PRKG1: variants seen among roughly 807,000 people sequenced by gnomAD.
PRKG1 encodes protein kinase cGMP-dependent 1, also known as cGMP-dependent protein kinase 1.
PRKG1 carries 35 observed loss-of-function variants against 88.1 expected under a neutral mutation model. That is an observed-to-expected ratio of 0.40 (90% CI 0.30 to 0.53). The LOEUF (loss-of-function observed/expected upper bound fraction) is 0.53. Among genes scored for constraint, PRKG1 ranks in the 20% least tolerant of loss-of-function variants. PRKG1 has a pLI of 0.59. For missense variants in PRKG1, 540 were observed against 839.8 expected (o/e 0.64, Z 4.41); for synonymous variants, 303 against 292.5 (o/e 1.04, Z -0.37).
chr10:51,662,905 G>A (rs1045968552), intron 3 of PRKG1, among the ~76,000 whole-genome samples: 4 of 152,040 alleles, frequency 2.6e-5, no homozygotes, highest in African/African-American at 9.7e-5. Context: ...TGTATTGGGT[G>A]GAATGTTAGG....
chr10:51,635,232 G>A (rs1356006897), intron 3 of PRKG1, among the ~76,000 whole-genome samples: 1 of 147,412 alleles, frequency 6.8e-6, no homozygotes, highest in African/African-American at 2.5e-5. Flanking sequence ...AAAATTGATG[G>A]AATTAGGTTG....
chr10:51,645,760 G>T (rs1275934373), intron 3 of PRKG1, among the ~76,000 whole-genome samples: 1 of 152,052 alleles, frequency 6.6e-6, no homozygotes, highest in Non-Finnish European at 1.5e-5. Flanking sequence ...TGAAACTTCA[G>T]ATACATCAAC....
intron 2 of PRKG1, among the ~76,000 whole-genome samples, chr10:51,296,758 G>T (rs1840731073): frequency 1.3e-5 from 2 of 151,908 alleles, no homozygotes; most frequent in African/African-American, 4.8e-5. Context: ...GAGGTGTAAA[G>T]TCATGTTGCT....
intron 2 of PRKG1, among the ~76,000 whole-genome samples, chr10:51,392,913 C>T (rs1254186374): frequency 5.0e-5 from 3 of 59,778 alleles, no homozygotes; most frequent in Admixed American, 1.4e-4. Flanking sequence ...GGGGGCTGAC[C>T]ACCCCCACCT....
chr10:51,199,505 C>G (rs531265020), intron 2 of PRKG1, among the ~76,000 whole-genome samples: 56 of 152,278 alleles, frequency 3.7e-4, no homozygotes, highest in African/African-American at 1.2e-3. Context: ...GATTTCTTCT[C>G]TCTGCCTCTG....
chr10:52,166,839 GTATATA>G (rs375678645), intron 9 of PRKG1, among the ~76,000 whole-genome samples: 1 of 90,486 alleles, frequency 1.1e-5, no homozygotes, highest in African/African-American at 4.7e-5. Context: ...GTATATATAT[GTATATA>G]TATGTCTATA....
chr10:51,378,016 ACT>A (rs1462830548), intron 2 of PRKG1, among the ~76,000 whole-genome samples: 1 of 152,264 alleles, frequency 6.6e-6, no homozygotes, highest in Non-Finnish European at 1.5e-5. Flanking sequence ...ATTGCAGAGC[ACT>A]GAGTGGCACA....
chr10:51,351,241 T>C (rs1440700653), intron 2 of PRKG1, among the ~76,000 whole-genome samples: 2 of 152,200 alleles, frequency 1.3e-5, no homozygotes, highest in Non-Finnish European at 2.9e-5. Flanking sequence ...GTCTTTATAG[T>C]AGAATGATTT....
At chr10:52,085,831 C>A (rs1846898409) in intron 7 of PRKG1, among the ~76,000 whole-genome samples, 1 of 151,974 alleles carries the variant, frequency 6.6e-6, no homozygotes, top group Non-Finnish European at 1.5e-5. Flanking sequence ...TTCCCTGGTT[C>A]CTAACATAAA....
chr10:52,077,042 G>A (rs934586728), intron 7 of PRKG1, among the ~76,000 whole-genome samples: 1 of 151,566 alleles, frequency 6.6e-6, no homozygotes, highest in African/African-American at 2.4e-5. Flanking sequence ...ATCTGACCCA[G>A]CCATTCCATT....
At chr10:51,172,594 G>A (rs1164847959) in intron 2 of PRKG1, among the ~76,000 whole-genome samples, 1 of 151,370 alleles carries the variant, frequency 6.6e-6, no homozygotes, top group Non-Finnish European at 1.5e-5. Flanking sequence ...GTATACCTAT[G>A]TCTGTCTATG....
chr10:51,906,296 CTG>C (rs1842085192), intron 4 of PRKG1, among the ~76,000 whole-genome samples: 1 of 152,120 alleles, frequency 6.6e-6, no homozygotes, highest in Non-Finnish European at 1.5e-5. Flanking sequence ...GAGTCAAACT[CTG>C]TAAAATATTT....
At chr10:51,430,014 A>C (rs1326911607) in intron 2 of PRKG1, among the ~76,000 whole-genome samples, 1 of 152,078 alleles carries the variant, frequency 6.6e-6, no homozygotes, top group Non-Finnish European at 1.5e-5. Flanking sequence ...TACACATTCA[A>C]GTATCTTAAC....
At chr10:51,142,699 A>T (rs1417618763) in intron 1 of PRKG1, among the ~76,000 whole-genome samples, 1 of 152,102 alleles carries the variant, frequency 6.6e-6, no homozygotes, top group Non-Finnish European at 1.5e-5. Context: ...TTGTTTCCTT[A>T]CCTGTCAAAT....
In PRKG1 at chr10:52,188,331, CAT is replaced by C. The variant is rs200027442; in HGVS notation, c.1076+26381_1076+26382del. Among the ~76,000 whole-genome samples, 13 of 138,598 alleles carry C rather than the reference CAT, an allele frequency of 9.4e-5. No individual in the cohort carries two copies. In the East Asian group the frequency reaches 1.9e-3, roughly 20 times the overall value. 90.9% of individuals were successfully genotyped at this position (138,598 alleles called of 152,430 possible). On this transcript the variant is annotated intron_variant, in intron 9 of 17. Coordinates refer to ENST00000373980, the MANE Select transcript of PRKG1 (RefSeq NM_006258.4). ...ATATATACATATGTATATATATACA[CAT>C]ATATATATATATTTCTTTTTGTTTG...
At chr10:51,230,906 C>T (rs1213398126) in intron 2 of PRKG1, among the ~76,000 whole-genome samples, 1 of 151,974 alleles carries the variant, frequency 6.6e-6, no homozygotes, top group Non-Finnish European at 1.5e-5. Context: ...TGGTTGTAGG[C>T]ACTTTAAAGG....
At chr10:51,528,976 T>G (rs1017332270) in intron 3 of PRKG1, among the ~76,000 whole-genome samples, 25 of 152,248 alleles carry the variant, frequency 1.6e-4, no homozygotes, top group African/African-American at 6.0e-4. Context: ...GCACAGGAAT[T>G]AACATGCAAA....
intron 3 of PRKG1, among the ~76,000 whole-genome samples, chr10:51,529,013 T>C (rs1841950877): frequency 1.3e-5 from 2 of 152,092 alleles, no homozygotes; most frequent in Admixed American, 1.3e-4. Context: ...TCCTGAACTT[T>C]CAAATTCTAA....
intron 7 of PRKG1, among the ~76,000 whole-genome samples, chr10:52,104,794 C>G (rs943657716): frequency 6.6e-6 from 1 of 152,084 alleles, no homozygotes; most frequent in African/African-American, 2.4e-5. Flanking sequence ...ATCAGTGGCA[C>G]GTAACCTGAT....
Sources: gnomAD v4.1 joint callset for allele counts (sites outside exome capture counted in the v4.1 genomes callset) on GRCh38, gnomAD v4.1.1 for gene constraint, MANE v1.5 for transcripts, NCBI Gene and HGNC (gene_info 2026-07-23, HGNC 2026-07-21) for gene names.